SPOCK3: variants seen among roughly 807,000 people sequenced by gnomAD.
SPOCK3 encodes the protein SPARC (osteonectin), cwcv and kazal like domains proteoglycan 3.
In SPOCK3, 30 loss-of-function variants were observed where a neutral mutation model predicts 56.6. The ratio of observed to expected loss-of-function variants is 0.53; its 90% CI spans 0.40 to 0.72. The LOEUF is 0.72. Among genes scored for constraint, SPOCK3 ranks in the 30% least tolerant of loss-of-function variants. The pLI, the probability that SPOCK3 is intolerant of heterozygous loss-of-function variation, is 0.00. For synonymous variants in SPOCK3, 196 were observed against 183.3 expected (o/e 1.07, Z -0.56); for missense variants, 527 against 530.0 (o/e 0.99, Z 0.06).
intron 2 of SPOCK3, among the ~76,000 whole-genome samples, chr4:167,118,321 C>T (rs187377485): frequency 4.6e-5 from 7 of 152,260 alleles, no homozygotes; most frequent in African/African-American, 1.7e-4. Context: ...TCCATAATCA[C>T]TTATAAATCC....
chr4:166,829,487 G>A (rs941479207), intron 6 of SPOCK3, among the ~76,000 whole-genome samples: 2 of 151,930 alleles, frequency 1.3e-5, no homozygotes, highest in African/African-American at 4.8e-5. Context: ...TTTTAATCAA[G>A]TAGAGCATGA....
At chr4:167,224,751 C>T (rs189024759) in intron 2 of SPOCK3, among the ~76,000 whole-genome samples, 4 of 152,054 alleles carry the variant, frequency 2.6e-5, no homozygotes, top group Non-Finnish European at 5.9e-5. Context: ...CCTCTGACTC[C>T]CTGGTTCAAG....
intron 6 of SPOCK3, among the ~76,000 whole-genome samples, chr4:166,844,754 A>G (rs765455039): frequency 5.3e-5 from 8 of 152,190 alleles, no homozygotes; most frequent in Non-Finnish European, 1.0e-4. Flanking sequence ...CTATATCTAT[A>G]TCTATCTATG....
intron 8 of SPOCK3, among the ~76,000 whole-genome samples, chr4:166,747,651 A>T (rs1027515139): frequency 6.6e-6 from 1 of 152,122 alleles, no homozygotes; most frequent in African/African-American, 2.4e-5. Context: ...CAGGCAGGAG[A>T]AGGAAATAAA....
At chr4:167,214,573 C>A (rs904077389) in intron 2 of SPOCK3, among the ~76,000 whole-genome samples, 3 of 151,952 alleles carry the variant, frequency 2.0e-5, no homozygotes, top group African/African-American at 7.3e-5. Flanking sequence ...TTGTTCTTAC[C>A]ATTTTTATTA....
intron 2 of SPOCK3, among the ~76,000 whole-genome samples, chr4:167,090,837 G>A (rs1251537720): frequency 2.7e-5 from 4 of 148,576 alleles, no homozygotes; most frequent in Admixed American, 2.7e-4. Context: ...TTACTAACCT[G>A]TTTTTTTTTT....
intron 7 of SPOCK3, among the ~76,000 whole-genome samples, chr4:166,787,855 G>T (rs1740897772): frequency 6.6e-6 from 1 of 152,056 alleles, no homozygotes; most frequent in South Asian, 2.1e-4. Flanking sequence ...GCAATTGTTA[G>T]CATTATATCT....
chr4:167,123,443 G>A (rs1358201912), intron 2 of SPOCK3, among the ~76,000 whole-genome samples: 1 of 152,038 alleles, frequency 6.6e-6, no homozygotes, highest in Non-Finnish European at 1.5e-5. Context: ...ATTTTAAAAA[G>A]CATAAAATAT....
chr4:166,734,163 G>T lies in SPOCK3; in HGVS notation c.*758C>A, dbSNP rs113086756. 5.9e-5 allele frequency: 9 copies of T among 151,914 alleles called. No individual in the cohort carries two copies. The highest frequency in any genetic ancestry group is 2.2e-4 in the African/African-American group (9 of 41,518). The allele number at this position is 151,914 out of a possible 1,614,324, so 9.4% of individuals were successfully genotyped here. ...ATTCTGCTCCCTAAGTTGCTGGTCA[G>T]AAAGATAAAGAAATCTAGAAAGGCA... On this transcript the variant is annotated 3_prime_UTR_variant, in exon 11 of 11. Coordinates refer to ENST00000357545, the MANE Select transcript of SPOCK3 (RefSeq NM_001040159.2).
intron 7 of SPOCK3, among the ~76,000 whole-genome samples, chr4:166,778,246 A>C (rs1739784470): frequency 6.6e-6 from 1 of 152,252 alleles, no homozygotes; most frequent in African/African-American, 2.4e-5. Flanking sequence ...GAGGTTATTT[A>C]CTTCTACAAT....
chr4:167,069,601 AT>A (rs66729947), intron 2 of SPOCK3, among the ~76,000 whole-genome samples: 9,369 of 151,912 alleles, frequency 0.062, 379 homozygotes, highest in African/African-American at 0.099. Flanking sequence ...TTAAGATGAA[AT>A]AAAATATACA....
intron 6 of SPOCK3, among the ~76,000 whole-genome samples, chr4:166,815,197 G>A (rs1744256544): frequency 6.6e-6 from 1 of 151,718 alleles, no homozygotes; most frequent in Non-Finnish European, 1.5e-5. Context: ...CTGATGTACA[G>A]GGAAACCCTT....
At chr4:166,769,745 G>A (rs1408938654) in intron 7 of SPOCK3, among the ~76,000 whole-genome samples, 1 of 152,174 alleles carries the variant, frequency 6.6e-6, no homozygotes, top group Non-Finnish European at 1.5e-5. Flanking sequence ...GTCTGCAGGG[G>A]TTTCTGCTGC....
intron 8 of SPOCK3, among the ~76,000 whole-genome samples, chr4:166,750,468 T>G (rs1736229781): frequency 1.3e-5 from 2 of 152,084 alleles, no homozygotes; most frequent in African/African-American, 4.8e-5. Context: ...CTTATGTGCT[T>G]AAAAACTGTA....
Position 167,191,077 on chromosome 4 carries a change from C to T in SPOCK3, c.189+42908G>A, listed in dbSNP as rs562358177. ...GAAGTGTAAGGCTTCCAGCTTTGTT[C>T]TTCTTTCTAATCACTATTTTGGCTA... On this transcript the variant is annotated intron_variant, in intron 2 of 10. Transcript: ENST00000357545. Among the ~76,000 whole-genome samples, 4 of 145,476 alleles carry T rather than the reference C, an allele frequency of 2.7e-5. 1 individual carries two copies. The highest frequency in any genetic ancestry group is 7.1e-5 in the Admixed American group (1 of 14,170).
intron 3 of SPOCK3, among the ~76,000 whole-genome samples, chr4:167,046,630 T>C (rs1753759141): frequency 6.6e-6 from 1 of 151,562 alleles, no homozygotes; most frequent in Admixed American, 6.6e-5. Flanking sequence ...TAATTTTTTA[T>C]GTTTTTTAGT....
intron 5 of SPOCK3, among the ~76,000 whole-genome samples, chr4:166,897,169 G>A (rs1026757041): frequency 2.6e-5 from 4 of 152,038 alleles, no homozygotes; most frequent in Admixed American, 2.6e-4. Flanking sequence ...TCATTATGTA[G>A]TAATTCTCTC....
At chr4:166,755,048 C>T (rs1378371444) in intron 7 of SPOCK3, among the ~76,000 whole-genome samples, 2 of 151,834 alleles carry the variant, frequency 1.3e-5, no homozygotes, top group Non-Finnish European at 1.5e-5. Flanking sequence ...AATAGTATAT[C>T]ATGATAAATG....
chr4:167,218,077 G>A (rs1025530311), intron 2 of SPOCK3, among the ~76,000 whole-genome samples: 2 of 151,940 alleles, frequency 1.3e-5, no homozygotes, highest in African/African-American at 2.4e-5. Context: ...CCTAAATCAC[G>A]CAACTACCTA....
Sources: allele counts gnomAD v4.1 joint callset (sites outside exome capture counted in the v4.1 genomes callset), GRCh38; gene constraint gnomAD v4.1.1; transcripts MANE v1.5; gene names NCBI Gene and HGNC (gene_info 2026-07-23, HGNC 2026-07-21).